Variants in TRAF3IP1 observed in about 807,000 individuals in gnomAD.
The protein encoded by TRAF3IP1 is TRAF3-interacting protein 1.
TRAF3IP1 carries 53 observed loss-of-function variants against 89.9 expected under a neutral mutation model. The observed-to-expected ratio is 0.59, with a 90% CI of 0.47 to 0.74. The LOEUF (loss-of-function observed/expected upper bound fraction) is 0.74, where lower values mean the gene tolerates loss of function less well. Ranked by LOEUF, TRAF3IP1 falls within the 30% of genes least tolerant of loss-of-function variation. TRAF3IP1 has a pLI of 0.00. For missense variants in TRAF3IP1, 806 were observed against 866.1 expected, an observed-to-expected ratio of 0.93 and a Z score of 0.87; for synonymous variants, 311 against 322.1, an observed-to-expected ratio of 0.97 and a Z score of 0.37.
At position 238,346,704 on chromosome 2, in the gene TRAF3IP1, G is replaced by A. The variant is rs566549211; in HGVS notation, c.1262-751G>A. Among the ~76,000 whole-genome samples, 28 of 152,332 alleles carry A rather than the reference G, an allele frequency of 1.8e-4. No individual in the cohort carries two copies. The South Asian group carries it at 5.2e-3, about 28-fold the overall frequency. ...GAGGCGGGGCCGTGTTAAACGAGGC[G>A]CTGCATCAGGCCCTGCTGCCTCCTC... On this transcript the variant is annotated intron_variant, in intron 9 of 16. Coordinates refer to ENST00000373327, the MANE Select transcript of TRAF3IP1 (RefSeq NM_015650.4).
chr2:238,350,033 T>G (rs1699077389), intron 12 of TRAF3IP1, among the ~76,000 whole-genome samples: 1 of 152,016 alleles, frequency 6.6e-6, no homozygotes. Flanking sequence ...ATTGCACTGC[T>G]GTACTCCAGC....
intron 8 of TRAF3IP1, 64 bp downstream of exon 8, chr2:238,338,521 A>C: frequency 4.5e-6 from 4 of 890,430 alleles, no homozygotes; most frequent in Non-Finnish European, 6.9e-6. Flanking sequence ...TTATATCTCA[A>C]TGTAGTTATA....
intron 11 of TRAF3IP1, among the ~76,000 whole-genome samples, chr2:238,349,098 A>C (rs1699030277): frequency 6.6e-6 from 1 of 152,196 alleles, no homozygotes; most frequent in South Asian, 2.1e-4. Flanking sequence ...GATTAGTGAC[A>C]GTTGTTGGTA....
intron 15 of TRAF3IP1, among the ~76,000 whole-genome samples, chr2:238,395,994 A>G (rs1368790480): frequency 3.3e-5 from 5 of 152,126 alleles, no homozygotes; most frequent in Non-Finnish European, 7.4e-5. Context: ...ATCTAGAACT[A>G]GAAATACCAT....
chr2:238,355,524 C>G (rs1454913326), intron 14 of TRAF3IP1, among the ~76,000 whole-genome samples: 1 of 152,268 alleles, frequency 6.6e-6, no homozygotes, highest in African/African-American at 2.4e-5. Context: ...CTCGTTTATT[C>G]AGTCAGCCTC....
intron 15 of TRAF3IP1, among the ~76,000 whole-genome samples, chr2:238,395,626 C>T (rs1332921476): frequency 6.6e-6 from 1 of 152,066 alleles, no homozygotes; most frequent in African/African-American, 2.4e-5. Context: ...TTTTCGCAAC[C>T]TTCTCATCTG....
At position 238,329,272 on chromosome 2, in the gene TRAF3IP1, T is replaced by G; in HGVS notation, c.845T>G (p.Val282Gly). The G allele has an allele frequency of 6.7e-7, 1 of 1,486,174 alleles. No homozygotes were observed. Among genetic ancestry groups the G allele is most frequent in the African/African-American group, 1.4e-5 (1 of 70,370 alleles). 92.1% of individuals were successfully genotyped at this position (1,486,174 alleles called of 1,614,324 possible). ...DKGKDRDRRR[V>G]KNGEHSWDLD... ...GGGAAGGACAGGGACAGACGGAGAGTGAAAAACGGGGAGCACTCCTGGGAC... is the reference window on the plus strand; with the variant it reads ...GGGAAGGACAGGGACAGACGGAGAGGGAAAAACGGGGAGCACTCCTGGGAC... Residue 282 changes from valine to glycine, a missense_variant, in exon 5 of 17, where the codon GTG (valine) becomes GGG (glycine). Physicochemically the swap from Val to Gly is moderately radical, Grantham distance 109 (BLOSUM62 -3). Transcript: ENST00000373327.
rs1470119492 is a variant in TRAF3IP1, at chr2:238,329,153, C to T, written c.726C>T (p.Asp242=). ...KDRGNRERDR[D]SERKKETERK... is the part of the protein sequence containing the mutation. ...GAGGCAACAGGGAGCGGGACAGAGA[C>T]TCCGAGCGCAAGAAGGAGACAGAGA... The change falls in exon 5 of 17, where the codon GAC becomes GAT. Residue 242 remains aspartate (D), a synonymous_variant. Transcript: ENST00000373327. 6.4e-7 allele frequency: 1 copy of T among 1,550,492 alleles called. No homozygotes were observed. Among genetic ancestry groups the T allele is most frequent in the Admixed American group, 2.1e-5 (1 of 48,446 alleles).
intron 15 of TRAF3IP1, among the ~76,000 whole-genome samples, chr2:238,396,462 T>C (rs1174264259): frequency 6.6e-6 from 1 of 150,654 alleles, no homozygotes; most frequent in Non-Finnish European, 1.5e-5. Context: ...CACACCAACA[T>C]GGCACATGTA....
At chr2:238,357,057 C>T (rs559015582) in intron 15 of TRAF3IP1, among the ~76,000 whole-genome samples, 20 of 152,320 alleles carry the variant, frequency 1.3e-4, no homozygotes, top group Middle Eastern at 3.4e-3. Flanking sequence ...GGATTACAGG[C>T]GTGAGCCACC....
At chr2:238,397,371 C>T (rs1701273522) in intron 15 of TRAF3IP1, 88 bp from the exon 16 acceptor site, 1 of 1,193,872 alleles carries the variant, frequency 8.4e-7, no homozygotes, top group Admixed American at 1.8e-5. Flanking sequence ...TTCCTCCCAG[C>T]CCCATGGCCG....
Position 238,328,843 on chromosome 2 carries a change from C to A in TRAF3IP1, c.498+14C>A. The A allele has an allele frequency of 6.2e-7, 1 of 1,602,704 alleles. No individual in the cohort carries two copies. The highest frequency in any genetic ancestry group is 1.1e-5 in the South Asian group (1 of 88,742). On this transcript the variant is annotated intron_variant, in intron 4 of 16. Coordinates refer to ENST00000373327, the MANE Select transcript of TRAF3IP1 (RefSeq NM_015650.4). ...AAAAATACAGAGGTGAATTCCAAGTCGCACATCTTTGAAAATGAAATAGTG... is the reference window on the plus strand; with the variant it reads ...AAAAATACAGAGGTGAATTCCAAGTAGCACATCTTTGAAAATGAAATAGTG...
intron 15 of TRAF3IP1, among the ~76,000 whole-genome samples, chr2:238,382,856 T>G (rs2106366513): frequency 6.6e-6 from 1 of 152,178 alleles, no homozygotes; most frequent in Middle Eastern, 3.4e-3. Flanking sequence ...CCTGGACGGT[T>G]GGTCACAAGA....
At position 238,398,953 on chromosome 2, in the gene TRAF3IP1, C is replaced by A. The variant is rs376279462; in HGVS notation, c.*34C>A. 1 of 1,559,870 alleles carries A rather than the reference C, an allele frequency of 6.4e-7. No homozygotes were observed. The highest frequency in any genetic ancestry group is 8.6e-7 in the Non-Finnish European group (1 of 1,157,608). On this transcript the variant is annotated 3_prime_UTR_variant, in exon 17 of 17. Transcript: ENST00000373327. ...AAGTTTCAGAGATGAAAAGTCACCT[C>A]AGTTTAAAAGCAAAAAGGAAGATAG...
At position 238,320,538 on chromosome 2, in the gene TRAF3IP1, G is replaced by C. The variant is rs1378562275; in HGVS notation, c.-125G>C. The stretch of plus-strand genomic sequence containing the variant: ...CCGGTGCACTGTGGGATGGAAACCG[G>C]AGCGGCGCGTCCTGGCAGGACCGGG... On this transcript the variant is annotated 5_prime_UTR_variant, in exon 1 of 17. Coordinates refer to ENST00000373327, the MANE Select transcript of TRAF3IP1 (RefSeq NM_015650.4). 5 of 1,019,478 alleles carry C rather than the reference G, an allele frequency of 4.9e-6. No individual in the cohort carries two copies. Among genetic ancestry groups the C allele is most frequent in the Non-Finnish European group, 5.9e-6 (5 of 852,320 alleles). The allele number at this position is 1,019,478 out of a possible 1,614,324, so 63.2% of individuals were successfully genotyped here.
chr2:238,330,583 T>C (rs1042600494), intron 5 of TRAF3IP1, among the ~76,000 whole-genome samples: 7 of 152,156 alleles, frequency 4.6e-5, no homozygotes, highest in Non-Finnish European at 1.0e-4. Flanking sequence ...GGCCTCTTCC[T>C]CCCGGGACAG....
chr2:238,358,052 G>A (rs909878128), intron 15 of TRAF3IP1, among the ~76,000 whole-genome samples: 3 of 152,006 alleles, frequency 2.0e-5, no homozygotes, highest in East Asian at 3.9e-4. Context: ...TTTTCTTTAG[G>A]ATATTGATAA....
At chr2:238,392,664 C>T (rs1341873865) in intron 15 of TRAF3IP1, among the ~76,000 whole-genome samples, 1 of 152,164 alleles carries the variant, frequency 6.6e-6, no homozygotes, top group African/African-American at 2.4e-5. Context: ...CCTCGCCCCC[C>T]CACCCGGGTT....
At position 238,399,345 on chromosome 2, in the gene TRAF3IP1, T is replaced by C; in HGVS notation, c.*426T>C. On this transcript the variant is annotated 3_prime_UTR_variant, in exon 17 of 17. Coordinates refer to ENST00000373327, the MANE Select transcript of TRAF3IP1 (RefSeq NM_015650.4). ...TGAAGGATGACTGTGTACTTTTTGA[T>C]AGGCACTTGATAAGTAGAATGAGGC... The C allele has an allele frequency of 6.5e-6, 1 of 153,672 alleles. No homozygotes were observed. The highest frequency in any genetic ancestry group is 1.9e-4 in the East Asian group (1 of 5,224). 9.5% of individuals were successfully genotyped at this position (153,672 alleles called of 1,614,324 possible).
Sources: allele counts gnomAD v4.1 joint callset (sites outside exome capture counted in the v4.1 genomes callset), GRCh38; gene constraint gnomAD v4.1.1; transcripts MANE v1.5; gene names NCBI Gene and HGNC (gene_info 2026-07-23, HGNC 2026-07-21).